The following DNAH3 variants were observed in gnomAD, a reference collection of about 807,000 sequenced individuals.
DNAH3 encodes dynein axonemal heavy chain 3.
A neutral mutation model predicts 432.5 loss-of-function variants in DNAH3; 332 were observed. That is an observed-to-expected ratio of 0.77 (90% confidence interval 0.70 to 0.84). The LOEUF (loss-of-function observed/expected upper bound fraction) is 0.84. DNAH3 is among the 40% of genes least tolerant of loss of function. The pLI is 0.00. For missense variants in DNAH3, 4,861 were observed against 5,114.0 expected (o/e 0.95, Z 1.51); for synonymous variants, 1,956 against 1,900.2 (o/e 1.03, Z -0.76).
At chr16:21,054,292 A>G (rs2090057420) in intron 28 of DNAH3, 128 bp downstream of exon 28, 2 of 685,668 alleles carry the variant, frequency 2.9e-6, no homozygotes, top group Admixed American at 5.6e-5. Flanking sequence ...TCTTACTCTC[A>G]GTTGGAGAAA....
intron 61 of DNAH3, among the ~76,000 whole-genome samples, 179 bp from the exon 62 acceptor site, chr16:20,933,686 C>A (rs889449876): frequency 1.3e-4 from 20 of 152,228 alleles, no homozygotes; most frequent in African/African-American, 3.6e-4. Flanking sequence ...ATGGGCCAGG[C>A]CTGACTCCTG....
intron 40 of DNAH3, among the ~76,000 whole-genome samples, chr16:21,020,237 G>T (rs2088094583): frequency 2.0e-5 from 3 of 148,308 alleles, no homozygotes; most frequent in African/African-American, 7.5e-5. Context: ...GCCCAGGCTG[G>T]TCTCGAACTC....
chr16:20,984,723 G>A (rs954489553), intron 48 of DNAH3, among the ~76,000 whole-genome samples: 49 of 152,076 alleles, frequency 3.2e-4, no homozygotes, highest in African/African-American at 1.1e-3. Flanking sequence ...ACAAAAATTA[G>A]CAGGTGTGGT....
At chr16:21,052,239 G>A (rs2089984546) in intron 28 of DNAH3, among the ~76,000 whole-genome samples, 1 of 152,114 alleles carries the variant, frequency 6.6e-6, no homozygotes. Flanking sequence ...TGATCCGCCT[G>A]CCTCGGCCTC....
At chr16:20,975,174 G>A (rs2085528951) in intron 51 of DNAH3, 59 bp downstream of exon 51, 2 of 1,583,580 alleles carry the variant, frequency 1.3e-6, no homozygotes, top group Non-Finnish European at 1.7e-6. Flanking sequence ...CCGTAAGATG[G>A]GTATAACCAC....
intron 1 of DNAH3, 111 bp downstream of exon 2, chr16:21,150,179 C>CA (rs2092835170): frequency 2.6e-6 from 1 of 389,624 alleles, no homozygotes; most frequent in Non-Finnish European, 4.9e-6. Flanking sequence ...GAGCCGAGAT[C>CA]ACACCATTGC....
intron 48 of DNAH3, 84 bp downstream of exon 48, chr16:20,984,965 G>T: frequency 8.4e-7 from 1 of 1,184,318 alleles, no homozygotes; most frequent in South Asian, 1.5e-5. Flanking sequence ...TGGGACCATT[G>T]TAAGGGATTG....
intron 40 of DNAH3, among the ~76,000 whole-genome samples, chr16:21,020,390 T>TAA: frequency 6.4e-5 from 2 of 31,282 alleles, no homozygotes; most frequent in African/African-American, 3.0e-4. Flanking sequence ...TATATATATA[T>TAA]ATATATATTT....
At chr16:21,026,700 CAAAA>C (rs35667454) in intron 38 of DNAH3, among the ~76,000 whole-genome samples, 1 of 47,804 alleles carries the variant, frequency 2.1e-5, no homozygotes, top group Non-Finnish European at 4.1e-5. Flanking sequence ...TACTCCGTCT[CAAAA>C]AAAAAAAAAA....
intron 38 of DNAH3, among the ~76,000 whole-genome samples, chr16:21,026,409 G>T (rs899869500): frequency 1.3e-5 from 2 of 152,054 alleles, no homozygotes; most frequent in Non-Finnish European, 2.9e-5. Flanking sequence ...TGGACACAAA[G>T]AAGGGAACGA....
chr16:20,954,844 A>T, exon 55 of DNAH3: 1 of 1,614,146 alleles, frequency 6.2e-7, no homozygotes, highest in Non-Finnish European at 8.5e-7. Context: ...TCTCTTGAAC[A>T]ACGGCGTGGA....
At chr16:21,120,538 CAGT>C in intron 11 of DNAH3, 1 of 603,988 alleles carries the variant, frequency 1.7e-6, no homozygotes, top group South Asian at 2.0e-5. Flanking sequence ...CTTCACTAAC[CAGT>C]TCAGAGATAA....
intron 19 of DNAH3, among the ~76,000 whole-genome samples, chr16:21,085,592 A>G (rs2152778555): frequency 6.6e-6 from 1 of 151,660 alleles, no homozygotes; most frequent in South Asian, 2.1e-4. Context: ...TTGTCTATAC[A>G]TCACCCCATC....
At chr16:21,072,179 C>T (rs1368333426) in intron 21 of DNAH3, among the ~76,000 whole-genome samples, 1 of 151,984 alleles carries the variant, frequency 6.6e-6, no homozygotes, top group Non-Finnish European at 1.5e-5. Context: ...TACTTAGACA[C>T]AAAGCCATTG....
At chr16:21,064,318 C>T (rs1319697577) in intron 24 of DNAH3, among the ~76,000 whole-genome samples, 2 of 152,166 alleles carry the variant, frequency 1.3e-5, no homozygotes, top group Non-Finnish European at 1.5e-5. Flanking sequence ...ACCAGACAAG[C>T]AATTAAGGAT....
chr16:21,130,536 C>T (rs1372508306), intron 7 of DNAH3, among the ~76,000 whole-genome samples: 1 of 152,046 alleles, frequency 6.6e-6, no homozygotes, highest in Non-Finnish European at 1.5e-5. Flanking sequence ...AACTCCTGAC[C>T]TCAGGTGATC....
intron 16 of DNAH3, among the ~76,000 whole-genome samples, chr16:21,101,982 T>C (rs1597379098): frequency 2.6e-5 from 4 of 152,192 alleles, no homozygotes; most frequent in East Asian, 3.8e-4. Flanking sequence ...TAATGTGGAC[T>C]GGGAAAATAA....
At chr16:20,964,398 AATG>A (rs1305759002) in exon 53 of DNAH3, 4 of 1,614,010 alleles carry the variant, frequency 2.5e-6, no homozygotes, top group East Asian at 2.2e-5. Flanking sequence ...TGGAATATTC[AATG>A]ATGTTTTCAC....
chr16:21,000,641 G>T, intron 42 of DNAH3, 123 bp from the exon 43 acceptor site: 2 of 805,122 alleles, frequency 2.5e-6, no homozygotes, highest in Non-Finnish European at 1.9e-6. Context: ...CCTTAGGCGA[G>T]TCTTTAACCT....
Sources: gnomAD v4.1 joint callset for allele counts (sites outside exome capture counted in the v4.1 genomes callset) on GRCh38, gnomAD v4.1.1 for gene constraint, MANE v1.5 for transcripts, NCBI Gene and HGNC (gene_info 2026-07-23, HGNC 2026-07-21) for gene names.